Variants in IL1RAPL1 observed in about 807,000 individuals in gnomAD.
IL1RAPL1 encodes interleukin 1 receptor accessory protein like 1.
Under a neutral mutation model 48.4 loss-of-function variants are expected in IL1RAPL1, and 3 were observed. The observed-to-expected ratio is 0.06, with a 90% CI of 0.03 to 0.16. IL1RAPL1 has a LOEUF of 0.16. IL1RAPL1 is among the 10% of genes least tolerant of loss of function. The probability of loss-of-function intolerance (pLI) is 1.00; values close to 1 mark genes in which losing one functional copy is unlikely to be tolerated. For synonymous variants in IL1RAPL1, 185 were observed against 187.7 expected, an observed-to-expected ratio of 0.99 and a Z score of 0.12; for missense variants, 349 against 530.6, an observed-to-expected ratio of 0.66 and a Z score of 3.36.
intron 2 of IL1RAPL1, among the ~76,000 whole-genome samples, chrX:29,223,651 T>A (rs1353892499): frequency 1.8e-5 from 2 of 109,051 alleles, no homozygotes; most frequent in Non-Finnish European, 3.8e-5. Context: ...TTCAAGAGAT[T>A]TTCCTGCCTT....
At chrX:29,042,003 A>G (rs2147417353) in intron 2 of IL1RAPL1, among the ~76,000 whole-genome samples, 1 of 111,885 alleles carries the variant, frequency 8.9e-6, no homozygotes, top group African/African-American at 3.2e-5. Context: ...TTCCTGGGAC[A>G]GTATCAGAAA....
intron 1 of IL1RAPL1, among the ~76,000 whole-genome samples, chrX:28,723,169 T>TACGGG (rs1476908095): frequency 3.6e-5 from 4 of 111,551 alleles, no homozygotes; most frequent in African/African-American, 1.3e-4. Flanking sequence ...GAAGGTATGG[T>TACGGG]TCCATCTCCT....
intron 2 of IL1RAPL1, among the ~76,000 whole-genome samples, chrX:29,089,253 T>C (rs1347351644): frequency 9.0e-6 from 1 of 111,150 alleles, no homozygotes; most frequent in Non-Finnish European, 1.9e-5. Context: ...TGAGATATGA[T>C]TGATGAATAA....
intron 5 of IL1RAPL1, among the ~76,000 whole-genome samples, chrX:29,595,095 C>A (rs190406144): frequency 1.4e-4 from 16 of 112,192 alleles, no homozygotes; most frequent in African/African-American, 4.9e-4. Flanking sequence ...AGTATTCCAT[C>A]GTATATATAC....
At chrX:29,800,598 A>G (rs1929851976) in intron 6 of IL1RAPL1, among the ~76,000 whole-genome samples, 1 of 110,410 alleles carries the variant, frequency 9.1e-6, no homozygotes, top group African/African-American at 3.3e-5. Context: ...TTAGCAATAT[A>G]GTTTTGTTTC....
intron 6 of IL1RAPL1, among the ~76,000 whole-genome samples, chrX:29,674,670 A>G (rs1433548644): frequency 9.0e-6 from 1 of 111,723 alleles, no homozygotes; most frequent in Admixed American, 9.5e-5. Context: ...TTTGTGACCC[A>G]GCTGCTAGTA....
intron 5 of IL1RAPL1, among the ~76,000 whole-genome samples, chrX:29,531,879 G>T (rs1921051760): frequency 9.0e-6 from 1 of 111,693 alleles, no homozygotes. Context: ...TGGTTATTTT[G>T]TTAAAAGGAC....
chrX:29,612,330 G>A (rs1924122427), intron 5 of IL1RAPL1, among the ~76,000 whole-genome samples: 1 of 109,820 alleles, frequency 9.1e-6, no homozygotes, highest in Non-Finnish European at 1.9e-5. Context: ...TTTGCAAAAT[G>A]ACACACAATT....
At chrX:29,189,578 C>T (rs768036149) in intron 2 of IL1RAPL1, among the ~76,000 whole-genome samples, 29 of 110,863 alleles carry the variant, frequency 2.6e-4, no homozygotes, top group Non-Finnish European at 5.1e-4. Context: ...TCATTATCTC[C>T]CATTTGAGAA....
At chrX:29,147,386 A>G (rs768803042) in intron 2 of IL1RAPL1, among the ~76,000 whole-genome samples, 3 of 111,746 alleles carry the variant, frequency 2.7e-5, no homozygotes, top group Non-Finnish European at 5.6e-5. Context: ...GGAGGGGGAG[A>G]ATGCTAACAC....
At chrX:28,944,787 T>C (rs1924252790) in intron 2 of IL1RAPL1, among the ~76,000 whole-genome samples, 1 of 109,469 alleles carries the variant, frequency 9.1e-6, no homozygotes, top group South Asian at 3.8e-4. Context: ...TTTTTTAAGA[T>C]AAGAAAAAAG....
intron 5 of IL1RAPL1, among the ~76,000 whole-genome samples, chrX:29,511,167 C>G (rs1935389869): frequency 8.9e-6 from 1 of 112,014 alleles, no homozygotes; most frequent in Non-Finnish European, 1.9e-5. Context: ...CTTAGCTGTT[C>G]CTAGATACTA....
At chrX:28,957,730 G>C (rs1002686944) in intron 2 of IL1RAPL1, among the ~76,000 whole-genome samples, 1 of 109,623 alleles carries the variant, frequency 9.1e-6, no homozygotes, top group Admixed American at 9.8e-5. Context: ...GGGAGGCCGA[G>C]GGGGGTGGAT....
At chrX:29,378,810 C>G (rs1390056453) in intron 3 of IL1RAPL1, among the ~76,000 whole-genome samples, 2 of 112,189 alleles carry the variant, frequency 1.8e-5, no homozygotes, top group Non-Finnish European at 3.8e-5. Flanking sequence ...ACCAGGCCTG[C>G]TCCTGGGTCT....
intron 6 of IL1RAPL1, among the ~76,000 whole-genome samples, chrX:29,837,999 G>T (rs1366873609): frequency 8.9e-6 from 1 of 111,798 alleles, no homozygotes; most frequent in East Asian, 2.8e-4. Context: ...TTCTCAGTCA[G>T]CTCATCAGTG....
intron 3 of IL1RAPL1, among the ~76,000 whole-genome samples, chrX:29,302,230 T>G (rs191586318): frequency 2.7e-5 from 3 of 112,009 alleles, no homozygotes; most frequent in African/African-American, 9.7e-5. Flanking sequence ...TTTGGCCAGG[T>G]GATGAACAAG....
In IL1RAPL1 at chrX:29,815,092, G is replaced by GT. The variant is rs777053925; in HGVS notation, c.779-102363dup. Among the ~76,000 whole-genome samples the GT allele has an allele frequency of 5.9e-3, 655 of 110,369 alleles. 3 individuals carry two copies. The highest frequency in any genetic ancestry group is 9.3e-3 in the Non-Finnish European group (486 of 52,516). On this transcript the variant is annotated intron_variant, in intron 6 of 10. Transcript: ENST00000378993. Reference sequence around the variant, plus strand: ...TTGGTTCTGTATAAATTTTAGAATAGTTTTTTTTTCCTAATCCTGTGAAAA... The same window carrying GT: ...TTGGTTCTGTATAAATTTTAGAATAGTTTTTTTTTTCCTAATCCTGTGAAAA...
At chrX:29,680,445 C>A (rs1233667748) in intron 6 of IL1RAPL1, among the ~76,000 whole-genome samples, 1 of 110,849 alleles carries the variant, frequency 9.0e-6, no homozygotes, top group Non-Finnish European at 1.9e-5. Context: ...TTGGACGGAT[C>A]ACTATGGCAT....
intron 2 of IL1RAPL1, among the ~76,000 whole-genome samples, chrX:29,089,786 A>ATATATG (rs1928046624): frequency 1.2e-5 from 1 of 86,004 alleles, no homozygotes; most frequent in East Asian, 3.9e-4. Context: ...ATATATATAT[A>ATATATG]TGTGCATACA....
Sources: gnomAD v4.1 joint callset for allele counts (sites outside exome capture counted in the v4.1 genomes callset) on GRCh38, gnomAD v4.1.1 for gene constraint, MANE v1.5 for transcripts, NCBI Gene and HGNC (gene_info 2026-07-23, HGNC 2026-07-21) for gene names.